MTDH: variants seen among roughly 807,000 people sequenced by gnomAD.
The protein encoded by MTDH is metadherin, also known as protein LYRIC.
A neutral mutation model predicts 72.7 loss-of-function variants in MTDH; 34 were observed. The ratio of observed to expected loss-of-function variants is 0.47; its 90% confidence interval spans 0.36 to 0.62. The LOEUF is 0.62. MTDH is among the 20% of genes least tolerant of loss of function. MTDH has a pLI of 0.00. For missense variants in MTDH, 677 were observed against 699.4 expected (o/e 0.97, Z 0.36); for synonymous variants, 266 against 268.9 (o/e 0.99, Z 0.10).
chr8:97,656,675 C>G (rs1179735691), intron 1 of MTDH, among the ~76,000 whole-genome samples: 2 of 151,812 alleles, frequency 1.3e-5, no homozygotes, highest in Non-Finnish European at 2.9e-5. Context: ...CTTGTTCCTA[C>G]AGTCCTTAGC....
intron 9 of MTDH, among the ~76,000 whole-genome samples, chr8:97,718,227 C>T (rs754407963): frequency 8.6e-5 from 13 of 150,520 alleles, no homozygotes; most frequent in Admixed American, 1.3e-4. Flanking sequence ...ATTTTTATTA[C>T]AGACAGCGTT....
intron 1 of MTDH, 115 bp from the exon 2 acceptor site, chr8:97,660,957 A>C (rs1045270660): frequency 1.5e-6 from 1 of 646,832 alleles, no homozygotes; most frequent in Admixed American, 2.9e-5. Context: ...AAAACTTTTT[A>C]AATTTAGGTA....
chr8:97,711,195 G>T (rs1814615970), intron 8 of MTDH, among the ~76,000 whole-genome samples: 1 of 150,502 alleles, frequency 6.6e-6, no homozygotes, highest in African/African-American at 2.4e-5. Context: ...AGATTCAAAT[G>T]CAGTTATAAG....
chr8:97,645,383 G>GCT (rs1811527928), intron 1 of MTDH, among the ~76,000 whole-genome samples: 1 of 152,222 alleles, frequency 6.6e-6, no homozygotes, highest in African/African-American at 2.4e-5. Flanking sequence ...AGGATTAAAG[G>GCT]TGTCCAGGTC....
intron 6 of MTDH, among the ~76,000 whole-genome samples, chr8:97,694,605 C>T (rs369043609): frequency 4.6e-5 from 7 of 152,068 alleles, no homozygotes; most frequent in South Asian, 2.1e-4. Flanking sequence ...AATTGTGTAG[C>T]GGTATCAAAA....
rs1304192631 is a variant in MTDH at position 97,661,295 on chromosome 8, C to G, written c.483+122C>G. ...CTCATTTAAACAAAACTCAGAAAAT[C>G]TGAATTAACCATAGTGGATGGGTGG... On this transcript the variant is annotated intron_variant, in intron 2 of 11. Coordinates refer to ENST00000336273, the MANE Select transcript of MTDH (RefSeq NM_178812.4). 2.4e-5 allele frequency: 16 copies of G among 678,012 alleles called. No individual in the cohort carries two copies. In the African/African-American group the frequency reaches 2.7e-4, roughly 11 times the overall value. The allele number at this position is 678,012 out of a possible 1,614,324, so 42.0% of individuals were successfully genotyped here. A position where few individuals can be genotyped will look rare whatever the true frequency, so the allele number is the denominator to read the frequency against.
At chr8:97,652,123 A>G (rs1007732661) in intron 1 of MTDH, among the ~76,000 whole-genome samples, 3 of 152,128 alleles carry the variant, frequency 2.0e-5, no homozygotes, top group African/African-American at 7.2e-5. Context: ...TCCTTTCTCA[A>G]CGCACTAGTA....
chr8:97,694,054 A>G (rs1656377144), intron 6 of MTDH, among the ~76,000 whole-genome samples: 1 of 152,164 alleles, frequency 6.6e-6, no homozygotes, highest in South Asian at 2.1e-4. Flanking sequence ...TTTCTTGTGC[A>G]TTAAACATAC....
At chr8:97,710,899 C>T (rs912368844) in intron 8 of MTDH, among the ~76,000 whole-genome samples, 19 of 151,918 alleles carry the variant, frequency 1.3e-4, no homozygotes, top group African/African-American at 4.4e-4. Context: ...ACTTGGGAGA[C>T]TGAGGCAGGG....
Position 97,730,099 on chromosome 8 carries a change from A to C in MTDH, c.*5429A>C, listed in dbSNP as rs1815501412. ...CTGAAGCTTGTGAATACGTTAATTGAGAAAACTTTAAGCAGGTTCAAAGTT... is the reference window on the plus strand; with the variant it reads ...CTGAAGCTTGTGAATACGTTAATTGCGAAAACTTTAAGCAGGTTCAAAGTT... On this transcript the variant is annotated 3_prime_UTR_variant, in exon 12 of 12. Coordinates refer to ENST00000336273, the MANE Select transcript of MTDH (RefSeq NM_178812.4). 6.6e-6 allele frequency among the ~76,000 whole-genome samples: 1 copy of C among 152,210 alleles called. No individual in the cohort carries two copies. Among genetic ancestry groups the C allele is most frequent in the Non-Finnish European group, 1.5e-5 (1 of 68,032 alleles).
At chr8:97,695,295 GT>G in intron 6 of MTDH, among the ~76,000 whole-genome samples, 1 of 151,986 alleles carries the variant, frequency 6.6e-6, no homozygotes, top group Admixed American at 6.6e-5. Context: ...TGTATTTTTA[GT>G]AGAAATAGGC....
intron 2 of MTDH, among the ~76,000 whole-genome samples, chr8:97,685,179 A>G (rs1001904506): frequency 7.2e-5 from 11 of 152,190 alleles, no homozygotes; most frequent in South Asian, 2.1e-4. Context: ...ATATCTCCAC[A>G]TATCTTTTTT....
At chr8:97,692,252 G>A (rs1813639358) in intron 6 of MTDH, among the ~76,000 whole-genome samples, 1 of 152,090 alleles carries the variant, frequency 6.6e-6, no homozygotes, top group African/African-American at 2.4e-5. Context: ...GTCTCCCCTA[G>A]TCCCCACTTA....
Position 97,699,794 on chromosome 8 carries a change from T to C in MTDH, c.1089T>C (p.Asp363=). The C allele has an allele frequency of 6.2e-7, 1 of 1,613,448 alleles. No individual in the cohort carries two copies. Among genetic ancestry groups the C allele is most frequent in the South Asian group, 1.1e-5 (1 of 91,072 alleles). ...AEPVSQSTTS[D]YQWDVSRNQP... is the part of the protein sequence containing the mutation. ...CAGTTTCTCAGTCTACCACTTCTGATTATCAGTGGGATGTTAGCCGTAATC... is the reference window on the plus strand; with the variant it reads ...CAGTTTCTCAGTCTACCACTTCTGACTATCAGTGGGATGTTAGCCGTAATC... The change falls in exon 7 of 12, where the codon GAT becomes GAC. Residue 363 remains aspartate (D), a synonymous_variant. Transcript: ENST00000336273.
chr8:97,680,803 G>T (rs1404867504), intron 2 of MTDH, among the ~76,000 whole-genome samples: 1 of 152,184 alleles, frequency 6.6e-6, no homozygotes, highest in Non-Finnish European at 1.5e-5. Context: ...TCAAATGCTA[G>T]ACAGGCTTCC....
At chr8:97,664,657 A>G (rs1481832168) in intron 2 of MTDH, among the ~76,000 whole-genome samples, 1 of 151,714 alleles carries the variant, frequency 6.6e-6, no homozygotes, top group African/African-American at 2.4e-5. Flanking sequence ...CTATGTGTGT[A>G]TTGCGCTTTG....
intron 10 of MTDH, among the ~76,000 whole-genome samples, chr8:97,720,911 C>G (rs921299708): frequency 6.6e-6 from 1 of 151,852 alleles, no homozygotes; most frequent in Non-Finnish European, 1.5e-5. Flanking sequence ...GCCTCAGCCT[C>G]CCAAAGTACT....
At chr8:97,691,703 TTGTG>T (rs139784203) in intron 6 of MTDH, among the ~76,000 whole-genome samples, 1 of 149,726 alleles carries the variant, frequency 6.7e-6, no homozygotes, top group South Asian at 2.1e-4. Context: ...GTGTGTGTGT[TTGTG>T]TGTGTGTGTG....
At chr8:97,699,303 G>T (rs1231349084) in intron 6 of MTDH, among the ~76,000 whole-genome samples, 1 of 151,854 alleles carries the variant, frequency 6.6e-6, no homozygotes, top group African/African-American at 2.4e-5. Context: ...AAGAAAAAAA[G>T]CCCAGCATGG....
Sources: gnomAD v4.1 joint callset for allele counts (sites outside exome capture counted in the v4.1 genomes callset) on GRCh38, gnomAD v4.1.1 for gene constraint, MANE v1.5 for transcripts, NCBI Gene and HGNC (gene_info 2026-07-23, HGNC 2026-07-21) for gene names.